Variants in SLC14A2 observed in about 807,000 individuals in gnomAD.
SLC14A2 encodes urea transporter 2.
SLC14A2 carries 91 observed loss-of-function variants against 104.6 expected under a neutral mutation model. The observed-to-expected ratio is 0.87, with a 90% CI of 0.73 to 1.04. The LOEUF (loss-of-function observed/expected upper bound fraction) is 1.04, where lower values mean the gene tolerates loss of function less well. Ranked by LOEUF, SLC14A2 falls within the 50% of genes least tolerant of loss-of-function variation. SLC14A2 has a pLI of 0.00. For missense variants in SLC14A2, 1,189 were observed against 1,156.0 expected (o/e 1.03, Z -0.41); for synonymous variants, 476 against 466.4 (o/e 1.02, Z -0.27).
intron 1 of SLC14A2, among the ~76,000 whole-genome samples, chr18:45,468,959 T>G (rs968800592): frequency 3.9e-5 from 6 of 152,180 alleles, no homozygotes; most frequent in African/African-American, 1.4e-4. Context: ...ACTCACAGCA[T>G]GAATTAAGAT....
At chr18:45,531,436 T>G (rs1450437761) in intron 2 of SLC14A2, among the ~76,000 whole-genome samples, 1 of 152,266 alleles carries the variant, frequency 6.6e-6, no homozygotes, top group Non-Finnish European at 1.5e-5. Flanking sequence ...TGATTTGCAT[T>G]TCTCTGATGG....
intron 2 of SLC14A2, among the ~76,000 whole-genome samples, chr18:45,509,075 C>T (rs1298833677): frequency 6.6e-6 from 1 of 152,038 alleles, no homozygotes; most frequent in Non-Finnish European, 1.5e-5. Context: ...TCCTGTATAG[C>T]CAGTGGTATT....
intron 1 of SLC14A2, among the ~76,000 whole-genome samples, chr18:45,393,134 G>T (rs1568180376): frequency 6.6e-6 from 1 of 152,184 alleles, no homozygotes; most frequent in Non-Finnish European, 1.5e-5. Flanking sequence ...TCTGGATGTT[G>T]TTACAGTAGT....
chr18:45,331,052 T>C (rs2085284736), intron 1 of SLC14A2, among the ~76,000 whole-genome samples: 1 of 152,214 alleles, frequency 6.6e-6, no homozygotes, highest in South Asian at 2.1e-4. Context: ...ATTGTTGATA[T>C]TTTTGTGCCC....
chr18:45,530,326 C>G (rs965770145), intron 2 of SLC14A2, among the ~76,000 whole-genome samples: 2 of 152,120 alleles, frequency 1.3e-5, no homozygotes, highest in African/African-American at 4.8e-5. Flanking sequence ...TCCTATAAAG[C>G]AAATGCTAAA....
intron 2 of SLC14A2, among the ~76,000 whole-genome samples, chr18:45,589,922 C>T (rs143132182): frequency 1.8e-3 from 267 of 152,238 alleles, no homozygotes; most frequent in African/African-American, 6.2e-3. Flanking sequence ...TGTGTCTGAG[C>T]GTGAGAGCTC....
intron 1 of SLC14A2, among the ~76,000 whole-genome samples, chr18:45,445,106 C>A (rs377026011): frequency 1.1e-5 from 1 of 94,730 alleles, no homozygotes; most frequent in African/African-American, 4.3e-5. Flanking sequence ...AATTGACATG[C>A]TTTTTTTTTT....
Position 45,258,685 on chromosome 18 carries a change from T to C in SLC14A2, c.-125+45494T>C, listed in dbSNP as rs551313495. Among the ~76,000 whole-genome samples the C allele has an allele frequency of 8.5e-4, 122 of 143,520 alleles. 24 individuals carry two copies. Among genetic ancestry groups the C allele is most frequent in the South Asian group, 4.8e-3 (21 of 4,384 alleles). The allele number at this position is 143,520 out of a possible 152,430, so 94.2% of individuals were successfully genotyped here. A position where few individuals can be genotyped will look rare whatever the true frequency, so the allele number is the denominator to read the frequency against. On this transcript the variant is annotated intron_variant, in intron 1 of 20. Coordinates refer to the SLC14A2 transcript ENST00000586448. ...ATAATCATCCTTTTATTCTTTGTTA[T>C]AGTATCTTATTTTCCAGTAACGTCA...
At chr18:45,281,312 A>G (rs935099061) in intron 1 of SLC14A2, among the ~76,000 whole-genome samples, 1 of 152,128 alleles carries the variant, frequency 6.6e-6, no homozygotes, top group Non-Finnish European at 1.5e-5. Context: ...ACTTACACAC[A>G]CACACGTTCA....
chr18:45,406,140 A>C (rs139283177), intron 1 of SLC14A2, among the ~76,000 whole-genome samples: 4 of 152,282 alleles, frequency 2.6e-5, no homozygotes, highest in African/African-American at 9.6e-5. Flanking sequence ...ACTTCTTTCA[A>C]AATTGGAGCC....
the SLC14A2 span, among the ~76,000 whole-genome samples, chr18:45,184,343 G>T: frequency 6.6e-6 from 1 of 152,156 alleles, no homozygotes; most frequent in African/African-American, 2.4e-5. Flanking sequence ...ACTCTTTGGT[G>T]GCAAATGCAG....
intron 1 of SLC14A2, among the ~76,000 whole-genome samples, chr18:45,341,590 T>A: frequency 6.7e-6 from 1 of 150,002 alleles, no homozygotes; most frequent in African/African-American, 2.5e-5. Context: ...CACTGTCTAG[T>A]ATTACTTTTT....
chr18:45,664,388 C>A (rs1371147499), intron 11 of SLC14A2, among the ~76,000 whole-genome samples: 1 of 152,188 alleles, frequency 6.6e-6, no homozygotes, highest in Non-Finnish European at 1.5e-5. Context: ...AAGAGGGTAT[C>A]CAAGGGCCGC....
At chr18:45,334,497 A>G (rs2085319403) in intron 1 of SLC14A2, among the ~76,000 whole-genome samples, 1 of 152,196 alleles carries the variant, frequency 6.6e-6, no homozygotes, top group African/African-American at 2.4e-5. Context: ...CTGAAGAATA[A>G]GAAAGAAAGT....
chr18:45,636,478 C>T (rs943004616), intron 5 of SLC14A2, among the ~76,000 whole-genome samples: 1 of 152,154 alleles, frequency 6.6e-6, no homozygotes, highest in South Asian at 2.1e-4. Flanking sequence ...TCTATTTTCC[C>T]CTGGCAGTTT....
chr18:45,666,097 A>G (rs1486840596), intron 11 of SLC14A2, 40 bp from the exon 12 acceptor site: 2 of 1,365,318 alleles, frequency 1.5e-6, no homozygotes, highest in Admixed American at 3.3e-5. Context: ...GCCAGAGTAG[A>G]GGTGTCCTAA....
At chr18:45,255,451 C>T (rs1219940072) in intron 1 of SLC14A2, among the ~76,000 whole-genome samples, 1 of 152,162 alleles carries the variant, frequency 6.6e-6, no homozygotes, top group Non-Finnish European at 1.5e-5. Flanking sequence ...GTCCGGGGCT[C>T]CATTGTCCAG....
intron 2 of SLC14A2, among the ~76,000 whole-genome samples, chr18:45,535,965 G>A (rs2043774451): frequency 6.6e-6 from 1 of 152,230 alleles, no homozygotes; most frequent in Non-Finnish European, 1.5e-5. Context: ...AAGATAAATA[G>A]ATGAGATGGA....
At position 45,625,807 on chromosome 18, in the gene SLC14A2, C is replaced by A; in HGVS notation, c.275C>A (p.Ser92Tyr). ...DSAGQRCICLSKAVGYLTGDM... is the reference protein window; with the variant it reads ...DSAGQRCICLYKAVGYLTGDM... Reference sequence around the variant, plus strand: ...GCAGGCCAAAGGTGCATCTGCCTCTCCAAAGCAGTGGGCTACCTCACGGGC... The same window carrying A: ...GCAGGCCAAAGGTGCATCTGCCTCTACAAAGCAGTGGGCTACCTCACGGGC... The change falls in exon 3 of 20, where the codon TCC (serine) becomes TAC (tyrosine). Residue 92 changes from serine (S) to tyrosine (Y), a missense_variant. Physicochemically the swap from Ser to Tyr is moderately radical, Grantham distance 144. Coordinates refer to ENST00000255226, the MANE Select transcript of SLC14A2 (RefSeq NM_007163.4). 6.5e-7 allele frequency: 1 copy of A among 1,532,332 alleles called. No individual in the cohort carries two copies. The highest frequency in any genetic ancestry group is 8.7e-7 in the Non-Finnish European group (1 of 1,144,908). 94.9% of individuals were successfully genotyped at this position (1,532,332 alleles called of 1,614,324 possible).
Sources: gnomAD v4.1 joint callset for allele counts (sites outside exome capture counted in the v4.1 genomes callset) on GRCh38, gnomAD v4.1.1 for gene constraint, MANE v1.5 for transcripts, NCBI Gene and HGNC (gene_info 2026-07-23, HGNC 2026-07-21) for gene names.